SCN10A: variants seen among roughly 807,000 people sequenced by gnomAD.
The protein encoded by SCN10A is sodium channel protein type 10 subunit alpha.
A neutral mutation model predicts 170.7 loss-of-function variants in SCN10A; 162 were observed. That is an observed-to-expected ratio of 0.95 (90% CI 0.84 to 1.08). SCN10A has a LOEUF of 1.08. Ranked by LOEUF, SCN10A falls within the 50% of genes least tolerant of loss-of-function variation. The pLI, the probability that SCN10A is intolerant of heterozygous loss-of-function variation, is 0.00. For synonymous variants in SCN10A, 985 were observed against 904.6 expected (o/e 1.09, Z -1.59); for missense variants, 2,527 against 2,436.9 (o/e 1.04, Z -0.78).
At chr3:38,772,209 A>G (rs1195246546) in intron 4 of SCN10A, among the ~76,000 whole-genome samples, 2 of 152,078 alleles carry the variant, frequency 1.3e-5, no homozygotes, top group African/African-American at 4.8e-5. Flanking sequence ...CCAGAAGATA[A>G]TCTGGTTTAG....
chr3:38,731,584 C>T (rs184545297), intron 15 of SCN10A, among the ~76,000 whole-genome samples: 1 of 152,278 alleles, frequency 6.6e-6, no homozygotes, highest in Admixed American at 6.5e-5. Context: ...AAACAACTTG[C>T]TGAGACACTG....
At chr3:38,777,698 T>C (rs886618203) in intron 4 of SCN10A, among the ~76,000 whole-genome samples, 3 of 152,060 alleles carry the variant, frequency 2.0e-5, no homozygotes, top group African/African-American at 7.2e-5. Flanking sequence ...AATCTTACTA[T>C]AGAGCATTTA....
chr3:38,748,741 G>C (rs1245646336), intron 13 of SCN10A, among the ~76,000 whole-genome samples: 1 of 152,144 alleles, frequency 6.6e-6, no homozygotes. Context: ...CTCTCTCTGA[G>C]GCTGCTTCAG....
intron 5 of SCN10A, among the ~76,000 whole-genome samples, chr3:38,769,857 A>G (rs969775118): frequency 6.6e-6 from 1 of 152,168 alleles, no homozygotes; most frequent in African/African-American, 2.4e-5. Flanking sequence ...CAGAGGGGCT[A>G]CCAGGCTCTG....
rs78326800 is a variant in SCN10A at position 38,706,950 on chromosome 3, C to T, written c.4386+329G>A. ...GATACATAACCACACAAGTTTAATC[C>T]CTGGGTTCTAACTACCCTTACTGTC... On this transcript the variant is annotated intron_variant, in intron 26 of 27. Transcript: ENST00000449082. 0.013 allele frequency among the ~76,000 whole-genome samples: 2,012 copies of T among 152,222 alleles called. 45 individuals carry two copies. Among genetic ancestry groups the T allele is most frequent in the African/African-American group, 0.046 (1,906 of 41,524 alleles).
chr3:38,713,868 T>C (rs978936070), intron 22 of SCN10A, 90 bp downstream of exon 22: 3 of 1,527,738 alleles, frequency 2.0e-6, no homozygotes, highest in Admixed American at 3.5e-5. Flanking sequence ...CCTCAGGTGA[T>C]CCGCCCGCCT....
intron 4 of SCN10A, among the ~76,000 whole-genome samples, chr3:38,774,997 A>G (rs2064054765): frequency 6.6e-6 from 1 of 152,168 alleles, no homozygotes. Context: ...CTGGATAGTG[A>G]TACCTTTCCT....
Position 38,755,922 on chromosome 3 carries a change from G to A in SCN10A, c.1327C>T (p.His443Tyr). The change falls in exon 11 of 28, where the codon CAC becomes TAC. Residue 443 changes from histidine (H) to tyrosine (Y), a missense_variant. Transcript: ENST00000449082. The part of the protein sequence containing the change: ...AALGIDTTSL[H>Y]SHNGSPLTSK... ...GTTAAAGGTGATCCATTGTGGGAGT[G>A]GAGAGAGGTTGTGTCAATCCCTAGT... The A allele has an allele frequency of 6.2e-7, 1 of 1,614,228 alleles. No homozygotes were observed. Among genetic ancestry groups the A allele is most frequent in the South Asian group, 1.1e-5 (1 of 91,080 alleles).
intron 13 of SCN10A, among the ~76,000 whole-genome samples, chr3:38,746,710 C>T (rs895865687): frequency 5.3e-5 from 8 of 152,142 alleles, no homozygotes; most frequent in Non-Finnish European, 1.2e-4. Flanking sequence ...GTTATTCTCT[C>T]TTCTGCTTTG....
Position 38,713,949 on chromosome 3 carries a change from C to G in SCN10A, c.3804+9G>C. ...GGCCAGATGAGAGAAGTTTTGAGAT[C>G]AGACTTACCCGCATGCCTTCAAATC... On this transcript the variant is annotated intron_variant, in intron 22 of 27. Transcript: ENST00000449082. The G allele has an allele frequency of 6.2e-7, 1 of 1,612,860 alleles. No homozygotes were observed. Among genetic ancestry groups the G allele is most frequent in the Non-Finnish European group, 8.5e-7 (1 of 1,179,962 alleles).
intron 1 of SCN10A, among the ~76,000 whole-genome samples, chr3:38,803,042 TG>T (rs1253292552): frequency 6.6e-6 from 1 of 152,094 alleles, no homozygotes; most frequent in Non-Finnish European, 1.5e-5. Context: ...AACAGGCACA[TG>T]AAAAAATGCT....
In SCN10A at chr3:38,730,759, GAC is replaced by G. The variant is rs545695796; in HGVS notation, c.2281-1860_2281-1859del. Among the ~76,000 whole-genome samples, 21 of 152,224 alleles carry G rather than the reference GAC, an allele frequency of 1.4e-4. No individual in the cohort carries two copies. In the South Asian group the frequency reaches 4.4e-3, roughly 32 times the overall value. ...TATGAAGAAGGTTTGCATCAGATTT[GAC>G]ACAGTTTGGGAGAGAATTAGTGAAC... On this transcript the variant is annotated intron_variant, in intron 15 of 27. Transcript: ENST00000449082.
intron 8 of SCN10A, 124 bp downstream of exon 8, chr3:38,760,557 A>G (rs770030745): frequency 2.9e-5 from 23 of 790,914 alleles, no homozygotes; most frequent in Non-Finnish European, 4.5e-5. Flanking sequence ...GGCAAAGGCC[A>G]TGATTTATTT....
Position 38,702,081 on chromosome 3 carries a change from A to G in SCN10A, c.4415T>C (p.Ile1472Thr), listed in dbSNP as rs1286314604. The change falls in exon 27 of 28, where the codon ATC (isoleucine) becomes ACC (threonine). Residue 1472 changes from isoleucine (I) to threonine (T), a missense_variant. Coordinates refer to ENST00000449082, the MANE Select transcript of SCN10A (RefSeq NM_006514.4). ...LNKFQGFVFD[I>T]VTRQAFDITI... ...GATGTCAAAAGCTTGTCTGGTCACGATGTCAAAGACAAAACCCTGGAACTT... is the reference window on the plus strand; with the variant it reads ...GATGTCAAAAGCTTGTCTGGTCACGGTGTCAAAGACAAAACCCTGGAACTT... 1.9e-6 allele frequency: 3 copies of G among 1,573,176 alleles called. No homozygotes were observed. Among genetic ancestry groups the G allele is most frequent in the African/African-American group, 1.4e-5 (1 of 73,538 alleles).
chr3:38,741,064 G>A (rs1457487031), intron 14 of SCN10A, among the ~76,000 whole-genome samples: 2 of 152,146 alleles, frequency 1.3e-5, no homozygotes, highest in Non-Finnish European at 2.9e-5. Flanking sequence ...CCCTTTCACA[G>A]CCCTGGATTA....
chr3:38,701,760 A>T, intron 27 of SCN10A, 79 bp downstream of exon 27: 2 of 1,401,182 alleles, frequency 1.4e-6, no homozygotes, highest in Non-Finnish European at 9.7e-7. Context: ...TTGGTTGGTT[A>T]TTTCCTTGGT....
At chr3:38,738,940 G>A (rs948074533) in intron 15 of SCN10A, among the ~76,000 whole-genome samples, 4 of 152,150 alleles carry the variant, frequency 2.6e-5, no homozygotes, top group East Asian at 3.9e-4. Context: ...CTGTGATTTC[G>A]GGCACAAGGG....
rs189229190 is a variant in SCN10A at position 38,816,187 on chromosome 3, C to T, written c.-183G>A. ...AGAAACTCCATCTGATGTCTGTTCT[C>T]TAGCCAAGAGGCTAGTGTGTGAAGC... is the stretch of plus-strand genomic sequence containing the variant. On this transcript the variant is annotated 5_prime_UTR_variant, in exon 1 of 28. Coordinates refer to ENST00000449082, the MANE Select transcript of SCN10A (RefSeq NM_006514.4). The T allele has an allele frequency of 6.6e-6, 1 of 152,322 alleles. No individual in the cohort carries two copies. Among genetic ancestry groups the T allele is most frequent in the East Asian group, 1.9e-4 (1 of 5,190 alleles). The allele number at this position is 152,322 out of a possible 1,614,324, so 9.4% of individuals were successfully genotyped here.
chr3:38,729,253 C>T (rs1209278049), intron 15 of SCN10A, among the ~76,000 whole-genome samples: 3 of 152,062 alleles, frequency 2.0e-5, no homozygotes, highest in Non-Finnish European at 2.9e-5. Flanking sequence ...TGTGATGGGG[C>T]TCACAAATAA....
Sources: allele counts gnomAD v4.1 joint callset (sites outside exome capture counted in the v4.1 genomes callset), GRCh38; gene constraint gnomAD v4.1.1; transcripts MANE v1.5; gene names NCBI Gene and HGNC (gene_info 2026-07-23, HGNC 2026-07-21).